The following MDGA1 variants were observed in gnomAD, a reference collection of about 807,000 sequenced individuals.
The protein encoded by MDGA1 is MAM domain-containing glycosylphosphatidylinositol anchor protein 1.
A neutral mutation model predicts 101.5 loss-of-function variants in MDGA1; 54 were observed. The observed-to-expected ratio is 0.53, with a 90% CI of 0.43 to 0.67. The LOEUF (loss-of-function observed/expected upper bound fraction) is 0.67, where lower values mean the gene tolerates loss of function less well. Among genes scored for constraint, MDGA1 ranks in the 30% least tolerant of loss-of-function variants. The pLI, the probability that MDGA1 is intolerant of heterozygous loss-of-function variation, is 0.00. For missense variants in MDGA1, 1,083 were observed against 1,323.8 expected, an observed-to-expected ratio of 0.82 and a Z score of 2.82; for synonymous variants, 533 against 558.3, an observed-to-expected ratio of 0.95 and a Z score of 0.64.
At chr6:37,661,691 G>A (rs1413351794) in intron 2 of MDGA1, among the ~76,000 whole-genome samples, 2 of 152,168 alleles carry the variant, frequency 1.3e-5, no homozygotes, top group African/African-American at 2.4e-5. Flanking sequence ...GGCAGTGGGA[G>A]ATCAGACAAG....
At position 37,634,063 on chromosome 6, in the gene MDGA1, C is replaced by G. The variant is rs1763877139; in HGVS notation, c.*3305G>C. The G allele has an allele frequency of 6.5e-6, 1 of 152,918 alleles. No individual in the cohort carries two copies. Among genetic ancestry groups the G allele is most frequent in the Non-Finnish European group, 1.5e-5 (1 of 68,330 alleles). The allele number at this position is 152,918 out of a possible 1,614,324, so 9.5% of individuals were successfully genotyped here. ...GAGAGGTAGGGGTGGAAGGAGCATT[C>G]CAGGAGGAGGGGGCTTGGTCTTCAG... On this transcript the variant is annotated 3_prime_UTR_variant, in exon 17 of 17. Coordinates refer to ENST00000434837, the MANE Select transcript of MDGA1 (RefSeq NM_153487.4). This position sits in a 1 kb window ranked among gnomAD's most constrained non-coding sequence, Gnocchi z 4.7.
intron 14 of MDGA1, among the ~76,000 whole-genome samples, chr6:37,642,147 G>GTGTATA (rs1554132385): frequency 7.4e-6 from 1 of 135,394 alleles, no homozygotes; most frequent in African/African-American, 2.7e-5. Context: ...TTATATATAT[G>GTGTATA]TATATATATA....
rs1762444685 is a variant in MDGA1, at chr6:37,697,399, C to G, written c.-588G>C. The G allele has an allele frequency of 6.6e-6, 1 of 151,998 alleles. No homozygotes were observed. The highest frequency in any genetic ancestry group is 2.4e-5 in the African/African-American group (1 of 41,410). 9.4% of individuals were successfully genotyped at this position (151,998 alleles called of 1,614,324 possible). On this transcript the variant is annotated 5_prime_UTR_variant, in exon 1 of 17. Transcript: ENST00000434837. ...CAGCCCCGGGCCCGGCCCTCCTGAT[C>G]CGGGGAGCAGCGCGGGCTGGGTTCG...
rs138772362 is a variant in MDGA1, at chr6:37,633,182, AACACAC to A, written c.*4180_*4185del. On this transcript the variant is annotated 3_prime_UTR_variant, in exon 17 of 17. Coordinates refer to ENST00000434837, the MANE Select transcript of MDGA1 (RefSeq NM_153487.4). ...CAGGAAAGAGTGGTCCTTCTGCCCC[AACACAC>A]ACACACACACACACAAACACACGCA... 1.2e-4 allele frequency: 18 copies of A among 149,772 alleles called. No homozygotes were observed. The highest frequency in any genetic ancestry group is 3.2e-4 in the African/African-American group (13 of 40,852). The allele number at this position is 149,772 out of a possible 1,614,324, so 9.3% of individuals were successfully genotyped here. A position where few individuals can be genotyped will look rare whatever the true frequency, so the allele number is the denominator to read the frequency against.
chr6:37,654,644 A>AG, intron 5 of MDGA1, 101 bp from the exon 6 acceptor site: 1 of 1,565,526 alleles, frequency 6.4e-7, no homozygotes, highest in South Asian at 1.1e-5. Flanking sequence ...AGAAGCCCTC[A>AG]GGGGAGATGA....
At chr6:37,672,071 G>A (rs1761881274) in intron 1 of MDGA1, among the ~76,000 whole-genome samples, 1 of 151,792 alleles carries the variant, frequency 6.6e-6, no homozygotes, top group African/African-American at 2.4e-5. Context: ...AGCTCAGGAG[G>A]TGGAGACTGC....
In MDGA1 at chr6:37,638,637, T is replaced by G; in HGVS notation, c.2567A>C (p.Asn856Thr). The G allele has an allele frequency of 6.2e-7, 1 of 1,613,796 alleles. No individual in the cohort carries two copies. The highest frequency in any genetic ancestry group is 1.1e-5 in the South Asian group (1 of 91,066). ...GSLNLLVRSRNKGALDTHAWS... is the reference protein window; with the variant it reads ...GSLNLLVRSRTKGALDTHAWS... Reference sequence around the variant, plus strand: ...GGCGTGCGTGTCCAGAGCCCCTTTGTTCCGGGACCGCACCAGGAGGTTGAG... The same window carrying G: ...GGCGTGCGTGTCCAGAGCCCCTTTGGTCCGGGACCGCACCAGGAGGTTGAG... Residue 856 changes from asparagine (N) to threonine (T), a missense_variant, in exon 15 of 17, where the codon AAC (asparagine) becomes ACC (threonine). This residue lies in a region of MDGA1 where 657 missense variants were observed against 771.4 expected (regional missense o/e 0.85). Transcript: ENST00000434837. This position sits in a 1 kb window ranked among gnomAD's most constrained non-coding sequence, Gnocchi z 4.8.
rs547130893 is a variant in MDGA1, at chr6:37,633,975, G to T, written c.*3393C>A. The T allele has an allele frequency of 1.1e-4, 16 of 152,370 alleles. No homozygotes were observed. Among genetic ancestry groups the T allele is most frequent in the Non-Finnish European group, 2.1e-4 (14 of 68,134 alleles). The allele number at this position is 152,370 out of a possible 1,614,324, so 9.4% of individuals were successfully genotyped here. A position where few individuals can be genotyped will look rare whatever the true frequency, so the allele number is the denominator to read the frequency against. On this transcript the variant is annotated 3_prime_UTR_variant, in exon 17 of 17. Coordinates refer to ENST00000434837, the MANE Select transcript of MDGA1 (RefSeq NM_153487.4). ...ATCCTCACTCTGACAGCCTGAGCCA[G>T]GGGCTTTCCCAGAGCACAGGGAAAA...
At position 37,693,045 on chromosome 6, in the gene MDGA1, C is replaced by A. The variant is rs183096999; in HGVS notation, c.67+3700G>T. Among the ~76,000 whole-genome samples, 295 of 152,352 alleles carry A rather than the reference C, an allele frequency of 1.9e-3. 2 individuals carry two copies. The highest frequency in any genetic ancestry group is 6.4e-3 in the African/African-American group (267 of 41,578). ...TCAACTTGGGATGGGGAGGTAACACCAGCAAAGCAAACAAAGCAGCTTGGA... is the reference window on the plus strand; with the variant it reads ...TCAACTTGGGATGGGGAGGTAACACAAGCAAAGCAAACAAAGCAGCTTGGA... On this transcript the variant is annotated intron_variant, in intron 1 of 16. Coordinates refer to ENST00000434837, the MANE Select transcript of MDGA1 (RefSeq NM_153487.4).
At chr6:37,650,923 G>A (rs1761345935) in intron 7 of MDGA1, among the ~76,000 whole-genome samples, 1 of 152,224 alleles carries the variant, frequency 6.6e-6, no homozygotes, top group Admixed American at 6.5e-5. Flanking sequence ...CTACAGCCAC[G>A]TGACTAAATT....
intron 1 of MDGA1, among the ~76,000 whole-genome samples, chr6:37,695,950 G>A (rs1264959736): frequency 6.6e-6 from 1 of 152,192 alleles, no homozygotes; most frequent in African/African-American, 2.4e-5. Context: ...GATGGAAGGG[G>A]GAAGGGGTAA....
rs1761395778 is a variant in MDGA1 at position 37,652,577 on chromosome 6, A to G, written c.983-237T>C. Among the ~76,000 whole-genome samples the G allele has an allele frequency of 6.6e-6, 1 of 152,224 alleles. No individual in the cohort carries two copies. ...AGAAAAGCAGTTTTGGTAATAACAG[A>G]ATATACACTATGTGAGAGGCACTGT... On this transcript the variant is annotated intron_variant, in intron 6 of 16. Transcript: ENST00000434837. The surrounding 1 kb of genome is among the most constrained non-coding windows in gnomAD (Gnocchi z 4.3).
At chr6:37,654,733 G>A in intron 5 of MDGA1, 67 bp downstream of exon 5, 1 of 1,597,894 alleles carries the variant, frequency 6.3e-7, no homozygotes, top group Non-Finnish European at 8.6e-7. Flanking sequence ...CTGTGGGGTG[G>A]GGCACTATCT....
chr6:37,652,112 T>A lies in MDGA1; in HGVS notation c.1211A>T (p.Asp404Val), dbSNP rs1383251976. The change falls in exon 7 of 17, where the codon GAC becomes GTC. Residue 404 changes from aspartate (D) to valine (V), a missense_variant. Asp to Val is a radical substitution (Grantham distance 152). Coordinates refer to ENST00000434837, the MANE Select transcript of MDGA1 (RefSeq NM_153487.4). This position sits in a 1 kb window ranked among gnomAD's most constrained non-coding sequence, Gnocchi z 4.3. ...PAVTSSLELI[D>V]LHFSDYGTYL... ...GGTGCCATAGTCACTGAAGTGCAGG[T>A]CAATGAGCTCTAGGCTGCTGGTGAC... 1 of 1,613,836 alleles carries A rather than the reference T, an allele frequency of 6.2e-7. No individual in the cohort carries two copies. The highest frequency in any genetic ancestry group is 1.7e-5 in the Admixed American group (1 of 60,026).
intron 1 of MDGA1, among the ~76,000 whole-genome samples, chr6:37,691,195 AG>A (rs1762301971): frequency 6.6e-6 from 1 of 152,180 alleles, no homozygotes; most frequent in African/African-American, 2.4e-5. Context: ...GATGAGTGAA[AG>A]GAACACCACA....
intron 1 of MDGA1, among the ~76,000 whole-genome samples, chr6:37,667,668 C>A (rs1336026454): frequency 1.3e-5 from 2 of 152,178 alleles, no homozygotes; most frequent in Non-Finnish European, 2.9e-5. Context: ...GCCTGGGGTG[C>A]CTCTCAACAA....
At chr6:37,648,069 T>A (rs748257462) in intron 9 of MDGA1, 1 of 152,384 alleles carries the variant, frequency 6.6e-6, no homozygotes, top group Admixed American at 6.5e-5. Context: ...CAGCCCCTCT[T>A]GTTCCCCTAG....
At position 37,646,379 on chromosome 6, in the gene MDGA1, T is replaced by C. The variant is rs749454511; in HGVS notation, c.2047-4A>G. The C allele has an allele frequency of 9.4e-6, 14 of 1,495,406 alleles. No homozygotes were observed. Among genetic ancestry groups the C allele is most frequent in the Admixed American group, 2.2e-5 (1 of 44,742 alleles). 92.6% of individuals were successfully genotyped at this position (1,495,406 alleles called of 1,614,324 possible). On this transcript the variant is annotated splice_polypyrimidine_tract_variant and splice_region_variant and intron_variant, in intron 10 of 16. Coordinates refer to ENST00000434837, the MANE Select transcript of MDGA1 (RefSeq NM_153487.4). ...CCACCGCATTGTGCTGGTTCAACTG[T>C]TAAGTACAGAGAGTTCCCAGATGCC...
At chr6:37,647,355 G>T in intron 9 of MDGA1, 31 bp from the exon 10 acceptor site, 1 of 1,466,272 alleles carries the variant, frequency 6.8e-7, no homozygotes, top group Non-Finnish European at 9.2e-7. Context: ...GCATTGGGCC[G>T]TGGAGGGTGC....
Sources: allele counts gnomAD v4.1 joint callset (sites outside exome capture counted in the v4.1 genomes callset), GRCh38; gene constraint gnomAD v4.1.1; regional missense constraint gnomAD v4.1.1; non-coding constraint Gnocchi (gnomAD v3.1); transcripts MANE v1.5; gene names NCBI Gene and HGNC (gene_info 2026-07-23, HGNC 2026-07-21).